The following FNTB variants were observed in gnomAD, a reference collection of about 807,000 sequenced individuals.
FNTB encodes the protein protein farnesyltransferase subunit beta.
A neutral mutation model predicts 59.4 loss-of-function variants in FNTB; 27 were observed. That is an observed-to-expected ratio of 0.45 (90% CI 0.34 to 0.63). FNTB has a LOEUF of 0.63. FNTB is among the 20% of genes least tolerant of loss of function. The pLI is 0.02. For missense variants in FNTB, 449 were observed against 559.6 expected, an observed-to-expected ratio of 0.80 and a Z score of 1.99; for synonymous variants, 230 against 220.7, an observed-to-expected ratio of 1.04 and a Z score of -0.37.
chr14:65,022,142 A>C (rs190128092), intron 4 of FNTB: 2 of 450,222 alleles, frequency 4.4e-6, no homozygotes, highest in Middle Eastern at 3.4e-4. Flanking sequence ...CCTCTTCACT[A>C]TATCAAGCTG....
chr14:65,045,817 G>A (rs1239143418), intron 9 of FNTB, among the ~76,000 whole-genome samples: 3 of 152,076 alleles, frequency 2.0e-5, no homozygotes, highest in Admixed American at 6.5e-5. Context: ...CCATTTTCCC[G>A]GCCTGGGCCC....
Position 64,991,909 on chromosome 14 carries a change from C to T in FNTB, c.144+4812C>T, listed in dbSNP as rs1432371909. Among the ~76,000 whole-genome samples, 1 of 152,088 alleles carries T rather than the reference C, an allele frequency of 6.6e-6. No individual in the cohort carries two copies. The highest frequency in any genetic ancestry group is 1.5e-5 in the Non-Finnish European group (1 of 68,012). ...TGAGGTGAGCTGGGCGGGTGGGCCC[C>T]TATCAGGGTATTAAGAGGCAGGTGA... On this transcript the variant is annotated intron_variant, in intron 1 of 11. Transcript: ENST00000246166. The surrounding 1 kb of genome is among the most constrained non-coding windows in gnomAD (Gnocchi z 4.4).
At chr14:65,060,251 C>G (rs944314065) in intron 11 of FNTB, among the ~76,000 whole-genome samples, 3 of 151,936 alleles carry the variant, frequency 2.0e-5, no homozygotes, top group Middle Eastern at 3.2e-3. Context: ...GGTATGGGTA[C>G]AATTTTTGCT....
chr14:65,012,151 G>A lies in FNTB; in HGVS notation c.210-166G>A. 4.3e-6 allele frequency: 3 copies of A among 705,002 alleles called. No homozygotes were observed. Among genetic ancestry groups the A allele is most frequent in the Non-Finnish European group, 7.0e-6 (3 of 427,206 alleles). 43.7% of individuals were successfully genotyped at this position (705,002 alleles called of 1,614,324 possible). A position where few individuals can be genotyped will look rare whatever the true frequency, so the allele number is the denominator to read the frequency against. On this transcript the variant is annotated intron_variant, in intron 2 of 11. Transcript: ENST00000246166. This position sits in a 1 kb window ranked among gnomAD's most constrained non-coding sequence, Gnocchi z 5.0. ...TTCAGACAAGAGCTTCTTTTCTCTG[G>A]TTTAGTTGCTCTTTGGAACCAGAGA...
chr14:64,995,952 A>G (rs987052228), intron 1 of FNTB, among the ~76,000 whole-genome samples: 3 of 150,216 alleles, frequency 2.0e-5, no homozygotes, highest in South Asian at 4.2e-4. Context: ...GTCAAACCCT[A>G]TCTCTACTAA....
chr14:64,995,304 AAGT>A (rs1376295609), intron 1 of FNTB, among the ~76,000 whole-genome samples: 2 of 152,232 alleles, frequency 1.3e-5, no homozygotes, highest in Non-Finnish European at 2.9e-5. Flanking sequence ...TTTTTTAAAT[AAGT>A]AGAGTTACAC....
At position 65,061,495 on chromosome 14, in the gene FNTB, T is replaced by C. The variant is rs1566585826; in HGVS notation, c.*183T>C. On this transcript the variant is annotated 3_prime_UTR_variant, in exon 12 of 12. Coordinates refer to ENST00000246166, the MANE Select transcript of FNTB (RefSeq NM_002028.4). Reference sequence around the variant, plus strand: ...GGGTTTGGAGAACACAGTGGCTGGTTTTAAAAATTCTTTCCACACCTGTCA... The same window carrying C: ...GGGTTTGGAGAACACAGTGGCTGGTCTTAAAAATTCTTTCCACACCTGTCA... 4 of 1,146,676 alleles carry C rather than the reference T, an allele frequency of 3.5e-6. No homozygotes were observed. Among genetic ancestry groups the C allele is most frequent in the East Asian group, 5.4e-5 (2 of 36,798 alleles). The allele number at this position is 1,146,676 out of a possible 1,614,324, so 71.0% of individuals were successfully genotyped here. A position where few individuals can be genotyped will look rare whatever the true frequency, so the allele number is the denominator to read the frequency against.
At chr14:65,019,377 C>T (rs780710937) in intron 4 of FNTB, among the ~76,000 whole-genome samples, 1 of 151,772 alleles carries the variant, frequency 6.6e-6, no homozygotes, top group Non-Finnish European at 1.5e-5. Context: ...ATCCCAGCTA[C>T]TCGGGAGACT....
intron 2 of FNTB, among the ~76,000 whole-genome samples, chr14:65,004,766 G>A (rs186699659): frequency 6.6e-6 from 1 of 151,990 alleles, no homozygotes; most frequent in Admixed American, 6.6e-5. Flanking sequence ...AGGTTCAAGT[G>A]ATTCTCCTGC....
chr14:65,002,476 G>A (rs184579455), intron 1 of FNTB, among the ~76,000 whole-genome samples: 67 of 152,280 alleles, frequency 4.4e-4, no homozygotes, highest in Middle Eastern at 3.4e-3. Context: ...GGGCGGGGTG[G>A]TGGGCACCTG....
At position 65,030,337 on chromosome 14, in the gene FNTB, T is replaced by G. The variant is rs533417282; in HGVS notation, c.606-2273T>G. Among the ~76,000 whole-genome samples the G allele has an allele frequency of 1.7e-4, 26 of 152,344 alleles. No individual in the cohort carries two copies. Among genetic ancestry groups the G allele is most frequent in the African/African-American group, 4.8e-4 (20 of 41,586 alleles). On this transcript the variant is annotated intron_variant, in intron 6 of 11. Transcript: ENST00000246166. This position sits in a 1 kb window ranked among gnomAD's most constrained non-coding sequence, Gnocchi z 4.5. The stretch of plus-strand genomic sequence containing the variant: ...GGTGGAACTAAACTTCCACTGTGCC[T>G]TTGGCTGCTAAAAATGCTGGTAGGA...
intron 1 of FNTB, among the ~76,000 whole-genome samples, chr14:64,998,712 G>A (rs1888495028): frequency 2.6e-5 from 4 of 152,220 alleles, no homozygotes; most frequent in Admixed American, 2.6e-4. Flanking sequence ...CATTGCATCA[G>A]AATCCACTGG....
In FNTB at chr14:65,032,080, G is replaced by A. The variant is rs1038725581; in HGVS notation, c.606-530G>A. 1.3e-5 allele frequency among the ~76,000 whole-genome samples: 2 copies of A among 150,652 alleles called. No homozygotes were observed. Among genetic ancestry groups the A allele is most frequent in the Admixed American group, 6.6e-5 (1 of 15,142 alleles). ...CCTCTAGAGGTTTAAGGACTGTATT[G>A]GAGTGGACTCACCTGTTCCTATCCT... On this transcript the variant is annotated intron_variant, in intron 6 of 11. Coordinates refer to ENST00000246166, the MANE Select transcript of FNTB (RefSeq NM_002028.4). The surrounding 1 kb of genome is among the most constrained non-coding windows in gnomAD (Gnocchi z 5.0).
intron 10 of FNTB, among the ~76,000 whole-genome samples, chr14:65,053,558 C>G (rs1209726922): frequency 1.1e-4 from 16 of 151,920 alleles, no homozygotes; most frequent in Non-Finnish European, 2.2e-4. Flanking sequence ...TCTTGTCCCC[C>G]AGCCTGCATG....
At chr14:65,060,532 T>C (rs1196244730) in intron 11 of FNTB, among the ~76,000 whole-genome samples, 2 of 127,018 alleles carry the variant, frequency 1.6e-5, no homozygotes, top group Non-Finnish European at 3.0e-5. Context: ...CCGTCTCTAC[T>C]AAAAATACAA....
Position 65,027,930 on chromosome 14 carries a change from C to G in FNTB, c.605+149C>G. On this transcript the variant is annotated intron_variant, in intron 6 of 11. Transcript: ENST00000246166. The surrounding 1 kb of genome is among the most constrained non-coding windows in gnomAD (Gnocchi z 5.7). ...TGACATGTCAGTGACACGTCAGAATCATTCAGATGTGATGCAGATGTCCTC... is the reference window on the plus strand; with the variant it reads ...TGACATGTCAGTGACACGTCAGAATGATTCAGATGTGATGCAGATGTCCTC... The G allele has an allele frequency of 1.0e-6, 1 of 971,900 alleles. No homozygotes were observed. Among genetic ancestry groups the G allele is most frequent in the Non-Finnish European group, 1.5e-6 (1 of 651,854 alleles). The allele number at this position is 971,900 out of a possible 1,614,324, so 60.2% of individuals were successfully genotyped here.
intron 2 of FNTB, among the ~76,000 whole-genome samples, chr14:65,005,051 G>A (rs1262281612): frequency 6.6e-6 from 1 of 152,172 alleles, no homozygotes. Flanking sequence ...GGAAAAACAT[G>A]GGAAGTTTGA....
chr14:64,989,459 A>G (rs1229476588), intron 1 of FNTB, among the ~76,000 whole-genome samples: 3 of 151,534 alleles, frequency 2.0e-5, no homozygotes, highest in Non-Finnish European at 4.4e-5. Flanking sequence ...AAAAACGACT[A>G]TACTGATTTT....
chr14:64,989,873 A>G (rs943051457), intron 1 of FNTB, among the ~76,000 whole-genome samples: 1 of 152,236 alleles, frequency 6.6e-6, no homozygotes, highest in Non-Finnish European at 1.5e-5. Flanking sequence ...AATGTTAATT[A>G]GAAACGCTGT....
Sources: gnomAD v4.1 joint callset for allele counts (sites outside exome capture counted in the v4.1 genomes callset) on GRCh38, gnomAD v4.1.1 for gene constraint, Gnocchi (gnomAD v3.1) non-coding constraint, MANE v1.5 for transcripts, NCBI Gene and HGNC (gene_info 2026-07-23, HGNC 2026-07-21) for gene names.